TAFA2: variants seen among roughly 807,000 people sequenced by gnomAD.
TAFA2 encodes the protein chemokine-like protein TAFA-2.
TAFA2 carries 7 observed loss-of-function variants against 18.8 expected under a neutral mutation model. The observed-to-expected ratio is 0.37, with a 90% CI of 0.21 to 0.70. The LOEUF (loss-of-function observed/expected upper bound fraction) is 0.70. TAFA2 is among the 30% of genes least tolerant of loss of function. The pLI, the probability that TAFA2 is intolerant of heterozygous loss-of-function variation, is 0.53. For missense variants in TAFA2, 122 were observed against 158.1 expected (o/e 0.77, Z 1.23); for synonymous variants, 60 against 54.2 (o/e 1.11, Z -0.47).
intron 1 of TAFA2, among the ~76,000 whole-genome samples, chr12:62,008,881 C>T (rs1378004751): frequency 3.9e-5 from 6 of 152,026 alleles, no homozygotes; most frequent in Admixed American, 6.5e-5. Context: ...ATTGTTGGGT[C>T]GAATAGAGAA....
At position 61,851,641 on chromosome 12, in the gene TAFA2, G is replaced by A. The variant is rs1873653771; in HGVS notation, c.106+15679C>T. On this transcript the variant is annotated intron_variant, in intron 2 of 4. Transcript: ENST00000416284. ...ATATAAAAAATTAGCTGGGCGTGGC[G>A]GCGGGGGCCTATAGTCCCAGCAACT... Among the ~76,000 whole-genome samples the A allele has an allele frequency of 2.6e-5, 4 of 151,100 alleles. No individual in the cohort carries two copies. In the South Asian group the frequency reaches 8.3e-4, roughly 31 times the overall value.
At chr12:62,189,630 T>C (rs1489538669) in intron 1 of TAFA2, among the ~76,000 whole-genome samples, 1 of 152,192 alleles carries the variant, frequency 6.6e-6, no homozygotes, top group Admixed American at 6.5e-5. Flanking sequence ...AATCTTAATC[T>C]TCTGATTTTT....
chr12:61,853,716 G>T (rs894307106), intron 2 of TAFA2, among the ~76,000 whole-genome samples: 2 of 152,080 alleles, frequency 1.3e-5, no homozygotes, highest in African/African-American at 2.4e-5. Flanking sequence ...CCACCAACCT[G>T]GTAGCAGGTT....
intron 1 of TAFA2, among the ~76,000 whole-genome samples, chr12:61,963,381 C>T (rs865919151): frequency 7.2e-5 from 11 of 151,876 alleles, no homozygotes; most frequent in Non-Finnish European, 1.3e-4. Context: ...TTTGAATGAT[C>T]GCCATTCAAA....
At chr12:62,135,708 G>T (rs796159322) in intron 1 of TAFA2, 14 of 152,142 alleles carry the variant, frequency 9.2e-5, no homozygotes, top group African/African-American at 3.1e-4. Context: ...TTTCACTTAT[G>T]AATATCATCA....
At chr12:61,881,736 A>G (rs1875149852) in intron 1 of TAFA2, among the ~76,000 whole-genome samples, 1 of 152,108 alleles carries the variant, frequency 6.6e-6, no homozygotes, top group African/African-American at 2.4e-5. Flanking sequence ...GGAGCCAGAA[A>G]TCCAGAATCA....
chr12:62,190,008 C>G (rs1022772140), intron 1 of TAFA2, among the ~76,000 whole-genome samples: 1 of 147,276 alleles, frequency 6.8e-6, no homozygotes, highest in South Asian at 2.2e-4. Flanking sequence ...TTTTTCTCCA[C>G]GAACCATTTT....
At chr12:62,244,237 CTTTTTTT>C (rs35569192) in intron 1 of TAFA2, among the ~76,000 whole-genome samples, 1 of 134,276 alleles carries the variant, frequency 7.4e-6, no homozygotes, top group Non-Finnish European at 1.6e-5. Flanking sequence ...TTTCTTTTGT[CTTTTTTT>C]TTTTTTTTGC....
chr12:61,936,529 C>T (rs1185273562), intron 1 of TAFA2, among the ~76,000 whole-genome samples: 1 of 152,080 alleles, frequency 6.6e-6, no homozygotes, highest in Non-Finnish European at 1.5e-5. Context: ...GATCATGCCA[C>T]TGCACTCCAG....
chr12:61,933,180 T>G (rs1877632677), intron 1 of TAFA2, among the ~76,000 whole-genome samples: 1 of 152,192 alleles, frequency 6.6e-6, no homozygotes, highest in Admixed American at 6.5e-5. Context: ...ATTTCTAGAT[T>G]TATTTCTGAA....
intron 1 of TAFA2, among the ~76,000 whole-genome samples, chr12:61,963,944 T>C (rs1878978757): frequency 6.6e-6 from 1 of 152,046 alleles, no homozygotes; most frequent in Non-Finnish European, 1.5e-5. Context: ...AATCATCTGA[T>C]CTTTGACAAA....
At chr12:61,902,809 A>G (rs1007976586) in intron 1 of TAFA2, among the ~76,000 whole-genome samples, 1 of 152,150 alleles carries the variant, frequency 6.6e-6, no homozygotes, top group South Asian at 2.1e-4. Context: ...CAAACCTAAC[A>G]TATCCTGAGT....
At chr12:61,941,226 C>T (rs1401941809) in intron 1 of TAFA2, among the ~76,000 whole-genome samples, 1 of 151,872 alleles carries the variant, frequency 6.6e-6, no homozygotes, top group Non-Finnish European at 1.5e-5. Context: ...TTACTAATAA[C>T]TTTTATATAG....
At chr12:62,079,632 C>T (rs1242463254) in intron 1 of TAFA2, among the ~76,000 whole-genome samples, 1 of 151,724 alleles carries the variant, frequency 6.6e-6, no homozygotes, top group African/African-American at 2.4e-5. Context: ...CCACTACACT[C>T]CAGCCTGGGT....
intron 1 of TAFA2, among the ~76,000 whole-genome samples, chr12:62,219,769 A>C (rs2136977772): frequency 6.6e-6 from 1 of 152,296 alleles, no homozygotes; most frequent in Non-Finnish European, 1.5e-5. Flanking sequence ...TTATAACTAT[A>C]TCTGCAAGTG....
chr12:62,177,975 A>G (rs979655767), intron 1 of TAFA2, among the ~76,000 whole-genome samples: 5 of 152,096 alleles, frequency 3.3e-5, no homozygotes, highest in African/African-American at 9.7e-5. Context: ...TCACCAAAGC[A>G]TCTTTCTAAA....
At chr12:61,956,936 C>T (rs927861015) in intron 1 of TAFA2, among the ~76,000 whole-genome samples, 4 of 152,092 alleles carry the variant, frequency 2.6e-5, no homozygotes, top group Non-Finnish European at 5.9e-5. Flanking sequence ...ACATTATCTA[C>T]CAAAGTACTA....
At chr12:61,855,112 T>A (rs968217235) in intron 2 of TAFA2, among the ~76,000 whole-genome samples, 2 of 152,162 alleles carry the variant, frequency 1.3e-5, no homozygotes, top group Admixed American at 6.5e-5. Context: ...GATGCTTAGG[T>A]GAATCTGGCT....
At chr12:62,194,324 C>T (rs1033315286), upstream of TAFA2, among the ~76,000 whole-genome samples, 27 of 1,490 alleles carry the variant, frequency 0.018, no homozygotes, top group East Asian at 0.033. Context: ...CACACACACA[C>T]ACATACAAAA....
Sources: gnomAD v4.1 joint callset for allele counts (sites outside exome capture counted in the v4.1 genomes callset) on GRCh38, gnomAD v4.1.1 for gene constraint, MANE v1.5 for transcripts, NCBI Gene and HGNC (gene_info 2026-07-23, HGNC 2026-07-21) for gene names.